The following SHROOM3 variants were observed in gnomAD, a reference collection of about 807,000 sequenced individuals.
SHROOM3 encodes the protein shroom family member 3, also known as protein Shroom3.
In SHROOM3, 47 loss-of-function variants were observed where a neutral mutation model predicts 138.6. That is an observed-to-expected ratio of 0.34 (90% CI 0.27 to 0.43). The LOEUF (loss-of-function observed/expected upper bound fraction) is 0.43, where lower values mean the gene tolerates loss of function less well. Among genes scored for constraint, SHROOM3 ranks in the 20% least tolerant of loss-of-function variants. The probability of loss-of-function intolerance (pLI) is 1.00; values close to 1 mark genes in which losing one functional copy is unlikely to be tolerated. For synonymous variants in SHROOM3, 1,062 were observed against 1,063.3 expected (o/e 1.00, Z 0.02); for missense variants, 2,491 against 2,596.5 (o/e 0.96, Z 0.88).
intron 2 of SHROOM3, among the ~76,000 whole-genome samples, chr4:76,692,731 G>A (rs908427467): frequency 2.0e-5 from 3 of 152,182 alleles, no homozygotes; most frequent in Admixed American, 6.5e-5. Context: ...TCAAGAGCAC[G>A]TTAACTGAAA....
intron 2 of SHROOM3, among the ~76,000 whole-genome samples, chr4:76,588,306 T>C (rs376811714): frequency 7.0e-4 from 106 of 152,342 alleles, no homozygotes; most frequent in African/African-American, 2.4e-3. Context: ...GAGAGTTAGA[T>C]TGGAGGGCAA....
chr4:76,473,212 T>G (rs1393444762), intron 1 of SHROOM3, among the ~76,000 whole-genome samples: 1 of 152,224 alleles, frequency 6.6e-6, no homozygotes, highest in African/African-American at 2.4e-5. Context: ...AGGATACTAT[T>G]GAGAAAGTAA....
chr4:76,462,732 CTCTCCA>C (rs1446380246), intron 1 of SHROOM3, among the ~76,000 whole-genome samples: 3 of 147,416 alleles, frequency 2.0e-5, no homozygotes, highest in Admixed American at 6.7e-5. Flanking sequence ...CTCCCTTTCC[CTCTCCA>C]TCTCCATCTC....
chr4:76,540,092 C>T (rs1417077168), intron 1 of SHROOM3, among the ~76,000 whole-genome samples: 3 of 152,216 alleles, frequency 2.0e-5, no homozygotes, highest in Admixed American at 1.3e-4. Flanking sequence ...AGGTGATCCA[C>T]CCACTTCAGA....
chr4:76,754,684 A>G lies in SHROOM3; in HGVS notation c.4201A>G (p.Arg1401Gly). ...CACCCTGACCCAGCCTCCCGGTCCA[A>G]GAGGCTGTGAGGGCGATGGCCCAGA... is the stretch of plus-strand genomic sequence containing the variant. ...GHTLTQPPGP[R>G]GCEGDGPEHG... Residue 1401 changes from arginine (R) to glycine (G), a missense_variant, in exon 7 of 11, where the codon AGA becomes GGA. Physicochemically the swap from Arg to Gly is moderately radical, Grantham distance 125 (BLOSUM62 -2). Transcript: ENST00000296043. 1.2e-6 allele frequency: 2 copies of G among 1,614,164 alleles called. No homozygotes were observed. Among genetic ancestry groups the G allele is most frequent in the African/African-American group, 2.7e-5 (2 of 75,040 alleles).
intron 5 of SHROOM3, among the ~76,000 whole-genome samples, chr4:76,743,715 G>T (rs1047375252): frequency 6.6e-6 from 1 of 152,104 alleles, no homozygotes; most frequent in African/African-American, 2.4e-5. Context: ...TTTCTGTTTA[G>T]AATTGTACAG....
At chr4:76,584,723 T>C (rs1181500668) in intron 2 of SHROOM3, among the ~76,000 whole-genome samples, 1 of 152,218 alleles carries the variant, frequency 6.6e-6, no homozygotes, top group Non-Finnish European at 1.5e-5. Flanking sequence ...GCCTGGCTGC[T>C]CTTGAACTCT....
intron 2 of SHROOM3, among the ~76,000 whole-genome samples, chr4:76,570,786 A>G (rs1489530205): frequency 2.0e-5 from 3 of 152,182 alleles, no homozygotes; most frequent in Non-Finnish European, 4.4e-5. Context: ...AGGGCTGTGT[A>G]ATAATTCATG....
At chr4:76,547,462 G>T (rs972272571) in intron 1 of SHROOM3, among the ~76,000 whole-genome samples, 7 of 152,166 alleles carry the variant, frequency 4.6e-5, no homozygotes, top group Non-Finnish European at 8.8e-5. Flanking sequence ...ACATCTGGTT[G>T]CAATCATGAT....
chr4:76,693,196 G>A (rs6838386), intron 2 of SHROOM3, among the ~76,000 whole-genome samples: 102,181 of 151,912 alleles, frequency 0.67, 35,529 homozygotes, highest in East Asian at 0.94. Flanking sequence ...TAAGAACTCA[G>A]TAAATGTCAA....
chr4:76,453,212 G>A (rs527445669), intron 1 of SHROOM3, among the ~76,000 whole-genome samples: 1 of 151,868 alleles, frequency 6.6e-6, no homozygotes, highest in African/African-American at 2.4e-5. Context: ...AATGTGCAAG[G>A]GTTCTAATTT....
chr4:76,778,408 G>C (rs1190304506), intron 10 of SHROOM3, among the ~76,000 whole-genome samples: 1 of 152,006 alleles, frequency 6.6e-6, no homozygotes, highest in African/African-American at 2.4e-5. Context: ...TTTTAGTAGA[G>C]ACGGGGTTTC....
chr4:76,563,137 A>T (rs909484518), intron 2 of SHROOM3, among the ~76,000 whole-genome samples: 7 of 152,190 alleles, frequency 4.6e-5, no homozygotes, highest in Non-Finnish European at 7.3e-5. Context: ...ATGAAATAAG[A>T]TAGTATATAT....
At chr4:76,687,086 G>A (rs887391327) in intron 2 of SHROOM3, among the ~76,000 whole-genome samples, 1 of 152,102 alleles carries the variant, frequency 6.6e-6, no homozygotes, top group East Asian at 1.9e-4. Context: ...ATTTAAAAAC[G>A]TCTTTTGAAA....
Position 76,528,209 on chromosome 4 carries a change from G to C in SHROOM3, c.169-27400G>C, listed in dbSNP as rs541898571. On this transcript the variant is annotated intron_variant, in intron 1 of 10. Transcript: ENST00000296043. ...ATTTTATTTCTCTATAATTGAATTAGATTAACTTATTATCCCCAATTTCTA... is the reference window on the plus strand; with the variant it reads ...ATTTTATTTCTCTATAATTGAATTACATTAACTTATTATCCCCAATTTCTA... Among the ~76,000 whole-genome samples, 2 of 152,140 alleles carry C rather than the reference G, an allele frequency of 1.3e-5. 1 individual carries two copies. Among genetic ancestry groups the C allele is most frequent in the Middle Eastern group, 6.8e-3 (2 of 292 alleles).
rs1183476593 is a variant in SHROOM3 at position 76,741,802 on chromosome 4, C to T, written c.3629C>T (p.Ser1210Phe). 2 of 1,584,788 alleles carry T rather than the reference C, an allele frequency of 1.3e-6. No homozygotes were observed. Among genetic ancestry groups the T allele is most frequent in the Non-Finnish European group, 1.7e-6 (2 of 1,166,022 alleles). The change falls in exon 5 of 11, where the codon TCC becomes TTC. Residue 1210 changes from serine to phenylalanine, a missense_variant. This residue lies in a region of SHROOM3 where 1,733 missense variants were observed against 1,661.6 expected (regional missense o/e 1.04). Coordinates refer to ENST00000296043, the MANE Select transcript of SHROOM3 (RefSeq NM_020859.4). The surrounding 1 kb of genome is among the most constrained non-coding windows in gnomAD (Gnocchi z 6.2). Reference protein sequence around the residue: ...QRGDETPREPSSWGARAGKSM... With the variant: ...QRGDETPREPFSWGARAGKSM... ...GGGGATGAGACCCCCAGGGAGCCAT[C>T]CTCCTGGGGGGCCAGGGCCGGGAAG... is the stretch of plus-strand genomic sequence containing the variant.
intron 1 of SHROOM3, among the ~76,000 whole-genome samples, chr4:76,493,726 A>G (rs1394033965): frequency 6.6e-6 from 1 of 152,182 alleles, no homozygotes; most frequent in Non-Finnish European, 1.5e-5. Context: ...CATGCCTGTA[A>G]TCCCAACATT....
rs372783670 is a variant in SHROOM3 at position 76,738,461 on chromosome 4, A to G, written c.588-300A>G. Among the ~76,000 whole-genome samples, 24 of 152,290 alleles carry G rather than the reference A, an allele frequency of 1.6e-4. No homozygotes were observed. The East Asian group carries it at 4.1e-3, about 26-fold the overall frequency. On this transcript the variant is annotated intron_variant, in intron 4 of 10. Transcript: ENST00000296043. ...ATGCAAAATGTCATTTCCAGCATGC[A>G]GCAAATCACATCAAAGTGCTGCCTG...
chr4:76,599,220 T>A (rs1367237082), intron 2 of SHROOM3, among the ~76,000 whole-genome samples: 1 of 152,164 alleles, frequency 6.6e-6, no homozygotes, highest in Non-Finnish European at 1.5e-5. Flanking sequence ...AAAAGCGTTC[T>A]TTATATAATC....
Sources: allele counts gnomAD v4.1 joint callset (sites outside exome capture counted in the v4.1 genomes callset), GRCh38; gene constraint gnomAD v4.1.1; regional missense constraint gnomAD v4.1.1; non-coding constraint Gnocchi (gnomAD v3.1); transcripts MANE v1.5; gene names NCBI Gene and HGNC (gene_info 2026-07-23, HGNC 2026-07-21).